Variants in PROCA1 observed in about 807,000 individuals in gnomAD.
PROCA1 encodes protein interacting with cyclin A1, also known as protein PROCA1.
In PROCA1, 22 loss-of-function variants were observed where a neutral mutation model predicts 23.2. The ratio of observed to expected loss-of-function variants is 0.95; its 90% CI spans 0.68 to 1.35. The LOEUF is 1.35. Ranked by LOEUF, PROCA1 falls within the 40% of genes most tolerant of loss-of-function variation. The pLI, the probability that PROCA1 is intolerant of heterozygous loss-of-function variation, is 0.00. For missense variants in PROCA1, 469 were observed against 459.8 expected, an observed-to-expected ratio of 1.02 and a Z score of -0.18; for synonymous variants, 182 against 179.2, an observed-to-expected ratio of 1.02 and a Z score of -0.12.
chr17:28,703,337 C>T lies in PROCA1; in HGVS notation c.*221G>A. The T allele has an allele frequency of 3.5e-6, 2 of 578,510 alleles. No homozygotes were observed. The highest frequency in any genetic ancestry group is 6.1e-6 in the Non-Finnish European group (2 of 327,812). 35.8% of individuals were successfully genotyped at this position (578,510 alleles called of 1,614,324 possible). On this transcript the variant is annotated 3_prime_UTR_variant, in exon 5 of 5. Coordinates refer to ENST00000682792, the MANE Select transcript of PROCA1 (RefSeq NM_001366301.1). Reference sequence around the variant, plus strand: ...CCCCAGATACACTCTTCCACCTTGTCCTAGCAGGTAGGAAGAAATAGGGCT... The same window carrying T: ...CCCCAGATACACTCTTCCACCTTGTTCTAGCAGGTAGGAAGAAATAGGGCT...
rs756740370 is a variant in PROCA1, at chr17:28,704,128, T to C, written c.525A>G (p.Glu175=). The change falls in exon 5 of 5, where the codon GAA becomes GAG. Residue 175 remains glutamate (E), a synonymous_variant. Transcript: ENST00000682792. Reference sequence around the variant, plus strand: ...TGCTTTCCTCCTCCTCCTCTTCCTCTTCTTCATTTAGATCATCTGCCCCAC... The same window carrying C: ...TGCTTTCCTCCTCCTCCTCTTCCTCCTCTTCATTTAGATCATCTGCCCCAC... The part of the protein sequence containing the change: ...HECGADDLNE[E]EEEEEEESKP... 4.5e-6 allele frequency: 7 copies of C among 1,565,000 alleles called. No individual in the cohort carries two copies. The highest frequency in any genetic ancestry group is 3.4e-6 in the Non-Finnish European group (4 of 1,161,938).
intron 1 of PROCA1, 107 bp downstream of exon 1, chr17:28,711,463 T>C (rs557322327): frequency 1.0e-5 from 8 of 774,304 alleles, no homozygotes; most frequent in South Asian, 8.7e-5. Context: ...GCCTCTCTCG[T>C]TGGTTTGCCC....
intron 2 of PROCA1, chr17:28,705,948 G>A (rs1451367721): frequency 6.6e-6 from 1 of 152,356 alleles, no homozygotes; most frequent in Non-Finnish European, 1.5e-5. Context: ...CCCACGAGGA[G>A]TGGAACTAGG....
In PROCA1 at chr17:28,704,796, T is replaced by G. The variant is rs2151680241; in HGVS notation, c.223A>C (p.Thr75Pro). ...GCGAAAGGGTAGATGATGTGCCCAGTGCACTGCTTGTGTCTCCAGCAGCAC... is the reference window on the plus strand; with the variant it reads ...GCGAAAGGGTAGATGATGTGCCCAGGGCACTGCTTGTGTCTCCAGCAGCAC... The part of the protein sequence containing the change: ...DKCCWRHKQC[T>P]GHIIYPFASD... The change falls in exon 3 of 5, where the codon ACT (threonine) becomes CCT (proline). Residue 75 changes from threonine (T) to proline (P), a missense_variant. Transcript: ENST00000682792. 1 of 1,613,710 alleles carries G rather than the reference T, an allele frequency of 6.2e-7. No individual in the cohort carries two copies. Among genetic ancestry groups the G allele is most frequent in the Non-Finnish European group, 8.5e-7 (1 of 1,179,976 alleles).
At chr17:28,710,947 G>A (rs540927719) in intron 1 of PROCA1, 2 of 1,236,456 alleles carry the variant, frequency 1.6e-6, no homozygotes, top group African/African-American at 1.6e-5. Context: ...GGCACTGGGG[G>A]TGGGCACCAG....
chr17:28,704,011 G>A lies in PROCA1; in HGVS notation c.642C>T (p.Pro214=), dbSNP rs761856470. 1 of 1,611,240 alleles carries A rather than the reference G, an allele frequency of 6.2e-7. No homozygotes were observed. The highest frequency in any genetic ancestry group is 8.5e-7 in the Non-Finnish European group (1 of 1,178,960). ...GGCTCTCAGAGCGCCAGATGGTGAT[G>A]GGCGCTGTGGAGTCAGGGGTACCAG... is the stretch of plus-strand genomic sequence containing the variant. ...MATGTPDSTA[P]ITIWRSESPT... is the part of the protein sequence containing the mutation. Residue 214 remains proline, a synonymous_variant, in exon 5 of 5, where the codon CCC becomes CCT. Transcript: ENST00000682792.
chr17:28,704,324 C>T lies in PROCA1; in HGVS notation c.423G>A (p.Glu141=). ...FELTPEEEHV[E]RFRYGWCKSY... is the part of the protein sequence containing the mutation. ...TCACTCACCAGCCATACCGGAATCG[C>T]TCCACATGCTCCTCCTCCGGTGTGA... Residue 141 remains glutamate (E), a synonymous_variant, in exon 4 of 5, where the codon GAG becomes GAA. Transcript: ENST00000682792. 1.2e-6 allele frequency: 2 copies of T among 1,613,770 alleles called. No homozygotes were observed. The highest frequency in any genetic ancestry group is 1.7e-6 in the Non-Finnish European group (2 of 1,179,820).
chr17:28,704,412 C>CTAT lies in PROCA1; in HGVS notation c.332_334dup (p.Asp111_Ser112insAsn). 1.9e-6 allele frequency: 3 copies of CTAT among 1,613,580 alleles called. No homozygotes were observed. The highest frequency in any genetic ancestry group is 2.5e-6 in the Non-Finnish European group (3 of 1,179,950). ...TGGGCCCGCGCCCCGGGAGCTGCTG[C>CTAT]TATCCTCTGAAGAGTCCTTCAGCCT... is the stretch of plus-strand genomic sequence containing the variant. On this transcript the variant is annotated inframe_insertion, in exon 4 of 5. Coordinates refer to ENST00000682792, the MANE Select transcript of PROCA1 (RefSeq NM_001366301.1).
intron 1 of PROCA1, 43 bp from the exon 2 acceptor site, chr17:28,706,806 C>T: frequency 7.7e-7 from 1 of 1,300,794 alleles, no homozygotes; most frequent in African/African-American, 1.5e-5. Flanking sequence ...AGCCCCCTCC[C>T]TGTGCCATTT....
chr17:28,709,342 G>C (rs1208465565), intron 1 of PROCA1, among the ~76,000 whole-genome samples: 1 of 151,238 alleles, frequency 6.6e-6, no homozygotes, highest in Non-Finnish European at 1.5e-5. Context: ...TGCAAGCTCC[G>C]CCTCCCGGGT....
At chr17:28,707,968 GCTT>G (rs1440906129) in intron 1 of PROCA1, 19 of 152,230 alleles carry the variant, frequency 1.2e-4, no homozygotes, top group Admixed American at 9.2e-4. Context: ...AATCCAGTGG[GCTT>G]CTTATCTCAT....
rs774537653 is a variant in PROCA1 at position 28,711,576 on chromosome 17, A to G, written c.85T>C (p.Cys29Arg). 6.2e-7 allele frequency: 1 copy of G among 1,609,430 alleles called. No individual in the cohort carries two copies. Among genetic ancestry groups the G allele is most frequent in the South Asian group, 1.1e-5 (1 of 90,858 alleles). ...PKARSWDESRCRDVNRLPSWE... is the reference protein window; with the variant it reads ...PKARSWDESRRRDVNRLPSWE... ...CCTGCCCCGCCCCTCTTACCGCGGC[A>G]TCTGCTCTCATCCCACGAGCGGGCC... The change falls in exon 1 of 5, where the codon TGC (cysteine) becomes CGC (arginine). Residue 29 changes from cysteine to arginine, a missense_variant. Transcript: ENST00000682792.
rs754009671 is a variant in PROCA1 at position 28,704,592 on chromosome 17, C to A, written c.311+116G>T. 8.3e-6 allele frequency: 13 copies of A among 1,563,094 alleles called. No homozygotes were observed. The Admixed American group carries it at 2.0e-4, about 24-fold the overall frequency. On this transcript the variant is annotated intron_variant, in intron 3 of 4. Transcript: ENST00000682792. ...CAGAGCAAGGTGTGCAGAGCTGGGACTGGGCTGGCAGCACCAATTCAAAGC... is the reference window on the plus strand; with the variant it reads ...CAGAGCAAGGTGTGCAGAGCTGGGAATGGGCTGGCAGCACCAATTCAAAGC...
In PROCA1 at chr17:28,703,661, C is replaced by G. The variant is rs748700857; in HGVS notation, c.992G>C (p.Arg331Thr). The G allele has an allele frequency of 6.2e-7, 1 of 1,614,222 alleles. No individual in the cohort carries two copies. The highest frequency in any genetic ancestry group is 2.2e-5 in the East Asian group (1 of 44,880). ...CTTTTTGGCCTGGACTGTGTTCTCTCTCTTCCTGGGCGATGATGATTCCAC... is the reference window on the plus strand; with the variant it reads ...CTTTTTGGCCTGGACTGTGTTCTCTGTCTTCCTGGGCGATGATGATTCCAC... ...DIVESSSPRK[R>T]ENTVQAKKTG... Residue 331 changes from arginine (R) to threonine (T), a missense_variant, in exon 5 of 5, where the codon AGA becomes ACA. Arg to Thr is a moderately conservative substitution (Grantham distance 71). Transcript: ENST00000682792.
At chr17:28,704,474 C>A in intron 3 of PROCA1, 39 bp from the exon 4 acceptor site, 1 of 1,589,958 alleles carries the variant, frequency 6.3e-7, no homozygotes, top group South Asian at 1.1e-5. Context: ...TCCCATCACT[C>A]CCCCAGGGAC....
At chr17:28,704,923 A>C in intron 2 of PROCA1, 80 bp from the exon 3 acceptor site, 1 of 1,381,954 alleles carries the variant, frequency 7.2e-7, no homozygotes, top group Non-Finnish European at 1.0e-6. Context: ...AAACCTCACC[A>C]AATTCACCTG....
chr17:28,704,578 G>T, intron 3 of PROCA1, 130 bp downstream of exon 3: 1 of 1,557,046 alleles, frequency 6.4e-7, no homozygotes. Flanking sequence ...AGAGCAAGGT[G>T]TGCAGAGCTG....
chr17:28,704,251 G>C lies in PROCA1; in HGVS notation c.441-39C>G, dbSNP rs199603411. On this transcript the variant is annotated intron_variant, in intron 4 of 4. Coordinates refer to ENST00000682792, the MANE Select transcript of PROCA1 (RefSeq NM_001366301.1). ...CAACGGGGGAAGTTTGACAGAGAGT[G>C]GGGGGCAGTGCCCTGTAGAGGCCCC... 12 of 1,570,974 alleles carry C rather than the reference G, an allele frequency of 7.6e-6. No individual in the cohort carries two copies. In the South Asian group the frequency reaches 1.1e-4, roughly 14 times the overall value.
Position 28,703,462 on chromosome 17 carries a change from C to T in PROCA1, c.*96G>A. The T allele has an allele frequency of 1.5e-6, 2 of 1,329,576 alleles. No individual in the cohort carries two copies. Among genetic ancestry groups the T allele is most frequent in the Non-Finnish European group, 2.1e-6 (2 of 965,544 alleles). 82.4% of individuals were successfully genotyped at this position (1,329,576 alleles called of 1,614,324 possible). A position where few individuals can be genotyped will look rare whatever the true frequency, so the allele number is the denominator to read the frequency against. On this transcript the variant is annotated 3_prime_UTR_variant, in exon 5 of 5. Transcript: ENST00000682792. Reference sequence around the variant, plus strand: ...CCTGCAGCCCTGAGCCCACCCCTTGCCCCGCAAGAAACAGCCAGGTTGGAG... The same window carrying T: ...CCTGCAGCCCTGAGCCCACCCCTTGTCCCGCAAGAAACAGCCAGGTTGGAG...
Sources: allele counts gnomAD v4.1 joint callset (sites outside exome capture counted in the v4.1 genomes callset), GRCh38; gene constraint gnomAD v4.1.1; transcripts MANE v1.5; gene names NCBI Gene and HGNC (gene_info 2026-07-23, HGNC 2026-07-21).